TIPARP: variants seen among roughly 807,000 people sequenced by gnomAD.
TIPARP encodes the protein TCDD inducible poly(ADP-ribose) polymerase, also known as protein mono-ADP-ribosyltransferase TIPARP.
Under a neutral mutation model 56.5 loss-of-function variants are expected in TIPARP, and 12 were observed. The ratio of observed to expected loss-of-function variants is 0.21; its 90% CI spans 0.14 to 0.34. The LOEUF (loss-of-function observed/expected upper bound fraction) is 0.34, where lower values mean the gene tolerates loss of function less well. Ranked by LOEUF, TIPARP falls within the 10% of genes least tolerant of loss-of-function variation. The probability of loss-of-function intolerance (pLI) is 1.00; values close to 1 mark genes in which losing one functional copy is unlikely to be tolerated. For missense variants in TIPARP, 604 were observed against 781.6 expected (o/e 0.77, Z 2.71); for synonymous variants, 296 against 265.7 (o/e 1.11, Z -1.11).
chr3:156,695,840 T>TTTTTTTTTTTTTTTTTTC, intron 3 of TIPARP, 25 bp from the exon 4 acceptor site: 1 of 1,368,806 alleles, frequency 7.3e-7, no homozygotes, highest in Non-Finnish European at 9.5e-7. Flanking sequence ...TTTTTTTTTT[T>TTTTTTTTTTTTTTTTTTC]TTTGTTCTGT....
chr3:156,679,381 A>G (rs562857448), intron 2 of TIPARP, among the ~76,000 whole-genome samples: 10 of 64,004 alleles, frequency 1.6e-4, no homozygotes, highest in African/African-American at 4.7e-4. Flanking sequence ...GGCAACTGGT[A>G]TTTCCACATC....
In TIPARP at chr3:156,705,200, T is replaced by C; in HGVS notation, c.*69T>C. The C allele has an allele frequency of 2.1e-6, 1 of 471,210 alleles. No individual in the cohort carries two copies. The highest frequency in any genetic ancestry group is 3.8e-6 in the Non-Finnish European group (1 of 262,254). 29.2% of individuals were successfully genotyped at this position (471,210 alleles called of 1,614,324 possible). A position where few individuals can be genotyped will look rare whatever the true frequency, so the allele number is the denominator to read the frequency against. On this transcript the variant is annotated 3_prime_UTR_variant, in exon 6 of 6. Coordinates refer to ENST00000295924, the MANE Select transcript of TIPARP (RefSeq NM_015508.5). ...GCATTTGTAGCAGGTTTTGAATGGGTGGGACTGGGTGGGGAACAGCATTGG... is the reference window on the plus strand; with the variant it reads ...GCATTTGTAGCAGGTTTTGAATGGGCGGGACTGGGTGGGGAACAGCATTGG...
intron 2 of TIPARP, among the ~76,000 whole-genome samples, chr3:156,685,988 C>T (rs1722419073): frequency 6.6e-6 from 1 of 152,170 alleles, no homozygotes; most frequent in Non-Finnish European, 1.5e-5. Context: ...TGTCACCTGG[C>T]TTAGCTCTTT....
At position 156,678,183 on chromosome 3, in the gene TIPARP, T is replaced by C. The variant is rs1027434129; in HGVS notation, c.486T>C (p.Asp162=). The change falls in exon 2 of 6, where the codon GAT becomes GAC. Residue 162 remains aspartate (D), a synonymous_variant. Coordinates refer to ENST00000295924, the MANE Select transcript of TIPARP (RefSeq NM_015508.5). ...ADSTPAHFQT[D]LLHPVSSDVP... The stretch of plus-strand genomic sequence containing the variant: ...CCACACCAGCTCACTTCCAGACTGA[T>C]CTTTTGCACCCAGTTTCAAGTGATG... 5.6e-6 allele frequency: 9 copies of C among 1,614,016 alleles called. No homozygotes were observed. The highest frequency in any genetic ancestry group is 2.7e-5 in the African/African-American group (2 of 74,926).
chr3:156,693,320 G>A (rs564588986), intron 2 of TIPARP, among the ~76,000 whole-genome samples: 1 of 152,270 alleles, frequency 6.6e-6, no homozygotes, highest in South Asian at 2.1e-4. Flanking sequence ...GATTCATATA[G>A]TGGGACTTCC....
chr3:156,687,830 A>C (rs1211935819), intron 2 of TIPARP, among the ~76,000 whole-genome samples: 1 of 152,184 alleles, frequency 6.6e-6, no homozygotes, highest in Non-Finnish European at 1.5e-5. Context: ...ACACAGATAA[A>C]TGTGATTTCA....
chr3:156,687,952 T>A (rs1269447192), intron 2 of TIPARP, among the ~76,000 whole-genome samples: 1 of 152,166 alleles, frequency 6.6e-6, no homozygotes, highest in Admixed American at 6.5e-5. Flanking sequence ...CTTCAAGAAT[T>A]TATCCCAAGA....
intron 1 of TIPARP, 115 bp from the exon 2 acceptor site, chr3:156,677,542 A>G (rs1446507728): frequency 5.8e-6 from 4 of 688,836 alleles, no homozygotes; most frequent in Non-Finnish European, 6.8e-6. Flanking sequence ...TAAATATAGT[A>G]TAAGAGGAAT....
At chr3:156,703,737 G>A (rs1722908032) in intron 5 of TIPARP, 35 bp downstream of exon 5, 1 of 1,572,744 alleles carries the variant, frequency 6.4e-7, no homozygotes, top group African/African-American at 1.3e-5. Context: ...AAGACGGCCG[G>A]GCGCAGTGGC....
intron 4 of TIPARP, 114 bp downstream of exon 4, chr3:156,696,139 T>G: frequency 8.9e-7 from 1 of 1,119,734 alleles, no homozygotes; most frequent in Non-Finnish European, 1.2e-6. Flanking sequence ...TCCTAGAATG[T>G]GAAATTCCAA....
At chr3:156,698,225 A>G (rs1280961011) in intron 4 of TIPARP, among the ~76,000 whole-genome samples, 1 of 152,208 alleles carries the variant, frequency 6.6e-6, no homozygotes, top group East Asian at 1.9e-4. Context: ...CATCTCTCTT[A>G]TAGAAGTGCA....
chr3:156,685,612 T>C (rs1577036203), intron 2 of TIPARP, among the ~76,000 whole-genome samples: 1 of 142,714 alleles, frequency 7.0e-6, no homozygotes, highest in African/African-American at 2.5e-5. Context: ...TGTTGAAACA[T>C]AGTACTTCTG....
intron 2 of TIPARP, among the ~76,000 whole-genome samples, chr3:156,693,492 T>C (rs1310026911): frequency 6.6e-6 from 1 of 152,164 alleles, no homozygotes; most frequent in Non-Finnish European, 1.5e-5. Flanking sequence ...AAAGATAATA[T>C]TGATGTTGGG....
intron 4 of TIPARP, among the ~76,000 whole-genome samples, chr3:156,703,109 T>TA (rs1722893008): frequency 6.6e-6 from 1 of 152,184 alleles, no homozygotes; most frequent in Non-Finnish European, 1.5e-5. Flanking sequence ...CTATAGGTAA[T>TA]AAAGAGGAGT....
At chr3:156,696,077 A>T (rs754582702) in intron 4 of TIPARP, 52 bp downstream of exon 4, 1 of 1,556,178 alleles carries the variant, frequency 6.4e-7, no homozygotes, top group Admixed American at 2.0e-5. Flanking sequence ...ATGTAAATGC[A>T]TTCCTGAATA....
intron 2 of TIPARP, among the ~76,000 whole-genome samples, chr3:156,687,279 T>G (rs568062844): frequency 3.3e-5 from 5 of 152,322 alleles, no homozygotes; most frequent in African/African-American, 1.2e-4. Context: ...TTCTGGTACC[T>G]TCATGATGCA....
chr3:156,703,014 C>G (rs1722889236), intron 4 of TIPARP, among the ~76,000 whole-genome samples: 1 of 152,206 alleles, frequency 6.6e-6, no homozygotes, highest in Non-Finnish European at 1.5e-5. Flanking sequence ...TACTTTGTCT[C>G]CCACCCACAC....
chr3:156,705,207 G>T lies in TIPARP; in HGVS notation c.*76G>T. On this transcript the variant is annotated 3_prime_UTR_variant, in exon 6 of 6. Coordinates refer to ENST00000295924, the MANE Select transcript of TIPARP (RefSeq NM_015508.5). ...TAGCAGGTTTTGAATGGGTGGGACT[G>T]GGTGGGGAACAGCATTGGACATTAA... 1 of 932,842 alleles carries T rather than the reference G, an allele frequency of 1.1e-6. No homozygotes were observed. The highest frequency in any genetic ancestry group is 1.6e-6 in the Non-Finnish European group (1 of 635,964). The allele number at this position is 932,842 out of a possible 1,614,324, so 57.8% of individuals were successfully genotyped here. A position where few individuals can be genotyped will look rare whatever the true frequency, so the allele number is the denominator to read the frequency against.
chr3:156,695,763 T>G, intron 3 of TIPARP, 102 bp from the exon 4 acceptor site: 1 of 1,413,868 alleles, frequency 7.1e-7, no homozygotes, highest in African/African-American at 1.5e-5. Context: ...TTTATTGAAA[T>G]TCCTGTGAGG....
Sources: allele counts gnomAD v4.1 joint callset (sites outside exome capture counted in the v4.1 genomes callset), GRCh38; gene constraint gnomAD v4.1.1; transcripts MANE v1.5; gene names NCBI Gene and HGNC (gene_info 2026-07-23, HGNC 2026-07-21).